The following CANX variants were observed in gnomAD, a reference collection of about 807,000 sequenced individuals.
The protein encoded by CANX is epididymis secretory sperm binding protein.
CANX carries 14 observed loss-of-function variants against 75.7 expected under a neutral mutation model. The observed-to-expected ratio is 0.19, with a 90% CI of 0.12 to 0.29. CANX has a LOEUF of 0.29. CANX is among the 10% of genes least tolerant of loss of function. CANX has a pLI of 1.00. For synonymous variants in CANX, 227 were observed against 236.9 expected (o/e 0.96, Z 0.38); for missense variants, 567 against 713.2 (o/e 0.79, Z 2.34).
At chr5:179,684,688 TTTTTGCTGTTG>T (rs1776152862) in intron 1 of CANX, among the ~76,000 whole-genome samples, 1 of 151,740 alleles carries the variant, frequency 6.6e-6, no homozygotes, top group Non-Finnish European at 1.5e-5. Flanking sequence ...AATTGTGGGG[TTTTTGCTGTTG>T]TTTTGTTGTT....
chr5:179,711,280 A>G (rs1777535234), intron 7 of CANX, among the ~76,000 whole-genome samples: 1 of 151,558 alleles, frequency 6.6e-6, no homozygotes. Context: ...GAATTAACTG[A>G]GTATAGTGGC....
intron 14 of CANX, among the ~76,000 whole-genome samples, chr5:179,727,452 A>G (rs1193355183): frequency 1.3e-5 from 2 of 152,192 alleles, no homozygotes; most frequent in Admixed American, 6.5e-5. Context: ...TTCCATGGGG[A>G]TGTAAGTGGG....
chr5:179,723,406 C>T, intron 11 of CANX: 1 of 456,490 alleles, frequency 2.2e-6, no homozygotes, highest in South Asian at 4.0e-5. Flanking sequence ...TCACTGGATC[C>T]TGAGGTTAAG....
chr5:179,723,682 T>A lies in CANX; in HGVS notation c.1421T>A (p.Ile474Asn). The change falls in exon 12 of 15, where the codon ATC becomes AAC. Residue 474 changes from isoleucine to asparagine, a missense_variant. By Grantham distance (149) the Ile-to-Asn change is moderately radical. Coordinates refer to ENST00000247461, the MANE Select transcript of CANX (RefSeq NM_001746.4). ...AAEPGVVGQMIEAAEERPWLW... is the reference protein window; with the variant it reads ...AAEPGVVGQMNEAAEERPWLW... ...CAGCCAGGCGTTGTGGGGCAGATGA[T>A]CGAGGCAGCTGAAGAGCGCCCGTGG... 6.2e-7 allele frequency: 1 copy of A among 1,613,836 alleles called. No individual in the cohort carries two copies. The highest frequency in any genetic ancestry group is 8.5e-7 in the Non-Finnish European group (1 of 1,179,932).
intron 2 of CANX, 57 bp from the exon 3 acceptor site, chr5:179,706,201 T>C (rs1777128569): frequency 1.0e-6 from 1 of 973,822 alleles, no homozygotes; most frequent in Non-Finnish European, 1.6e-6. Context: ...AGATTCTAGA[T>C]AAAAAGGCAT....
chr5:179,687,761 C>T (rs571426362), intron 1 of CANX, among the ~76,000 whole-genome samples: 44 of 152,136 alleles, frequency 2.9e-4, no homozygotes, highest in South Asian at 1.7e-3. Flanking sequence ...CAGCCACGCA[C>T]GGTGGCTCAT....
At chr5:179,723,889 C>T in intron 12 of CANX, 110 bp downstream of exon 12, 1 of 949,724 alleles carries the variant, frequency 1.1e-6, no homozygotes. Flanking sequence ...TCAGTAATGA[C>T]CAAGCCATGT....
chr5:179,723,568 T>C (rs1214716537), intron 11 of CANX, 92 bp from the exon 12 acceptor site: 1 of 1,317,580 alleles, frequency 7.6e-7, no homozygotes, highest in Non-Finnish European at 1.1e-6. Flanking sequence ...TCCTGCGTAG[T>C]GCCATGCCAT....
At chr5:179,697,334 G>A (rs1401143698), upstream of CANX, among the ~76,000 whole-genome samples, 1 of 152,150 alleles carries the variant, frequency 6.6e-6, no homozygotes, top group Non-Finnish European at 1.5e-5. Context: ...AAAGTGCTCA[G>A]ATCACAGGGA....
chr5:179,725,827 A>C (rs950687274), intron 13 of CANX, among the ~76,000 whole-genome samples: 1 of 150,338 alleles, frequency 6.7e-6, no homozygotes, highest in African/African-American at 2.5e-5. Context: ...GTCTCTACTT[A>C]AAATAAAAAA....
intron 7 of CANX, among the ~76,000 whole-genome samples, chr5:179,714,433 A>C (rs1777786218): frequency 6.6e-6 from 1 of 152,230 alleles, no homozygotes; most frequent in Non-Finnish European, 1.5e-5. Context: ...CTTAAACATC[A>C]GCATTGTGAT....
upstream of CANX, among the ~76,000 whole-genome samples, chr5:179,695,659 TA>T (rs1203886755): frequency 6.9e-6 from 1 of 143,992 alleles, no homozygotes; most frequent in South Asian, 2.2e-4. Context: ...TTTTTATTTT[TA>T]TTTTTTTTGA....
chr5:179,701,318 C>T (rs1400238890), intron 1 of CANX, among the ~76,000 whole-genome samples: 13 of 151,946 alleles, frequency 8.6e-5, no homozygotes, highest in Admixed American at 8.5e-4. Flanking sequence ...ATTGGCTGGG[C>T]ACGGTGGCTC....
chr5:179,679,873 G>A (rs1394088531), intron 1 of CANX, among the ~76,000 whole-genome samples: 1 of 151,448 alleles, frequency 6.6e-6, no homozygotes, highest in Non-Finnish European at 1.5e-5. Flanking sequence ...TGGCCAGGCT[G>A]GTCTCGAACT....
chr5:179,694,825 C>CCT, upstream of CANX: 1 of 468,420 alleles, frequency 2.1e-6, no homozygotes, highest in Non-Finnish European at 3.9e-6. Flanking sequence ...GTGAGTGCTC[C>CCT]CTCTCTCTGT....
In CANX at chr5:179,680,157, T is replaced by C. The variant is rs188428567; in HGVS notation, c.-4+1380T>C. Among the ~76,000 whole-genome samples, 41 of 151,806 alleles carry C rather than the reference T, an allele frequency of 2.7e-4. 1 individual carries two copies. In the East Asian group the frequency reaches 4.3e-3, roughly 16 times the overall value. ...GATGTGAACACGAGCTTGGATAGGA[T>C]TGGTGCTGGGAAGAGCAGAAGAGGA... On this transcript the variant is annotated intron_variant, in intron 1 of 14. Coordinates refer to the CANX transcript ENST00000681674.
chr5:179,694,614 A>G, upstream of CANX: 1 of 982,172 alleles, frequency 1.0e-6, no homozygotes, highest in Non-Finnish European at 1.6e-6. Flanking sequence ...TTACATCACT[A>G]AGACGGCAAA....
intron 1 of CANX, among the ~76,000 whole-genome samples, chr5:179,701,578 CAAAA>C (rs962692262): frequency 1.4e-5 from 2 of 142,402 alleles, no homozygotes; most frequent in African/African-American, 5.1e-5. Context: ...TCAGGAAAAA[CAAAA>C]AAAAAAGTGT....
At chr5:179,685,534 C>G (rs527399240) in intron 1 of CANX, among the ~76,000 whole-genome samples, 1 of 145,600 alleles carries the variant, frequency 6.9e-6, no homozygotes, top group Non-Finnish European at 1.5e-5. Flanking sequence ...AGGCGTGAGC[C>G]ACCGCGCCCA....
Sources: allele counts gnomAD v4.1 joint callset (sites outside exome capture counted in the v4.1 genomes callset), GRCh38; gene constraint gnomAD v4.1.1; transcripts MANE v1.5; gene names NCBI Gene and HGNC (gene_info 2026-07-23, HGNC 2026-07-21).